Variants in NCOR2 observed in about 807,000 individuals in gnomAD.
The protein encoded by NCOR2 is nuclear receptor corepressor 2.
In NCOR2, 81 loss-of-function variants were observed where a neutral mutation model predicts 262.9. That is an observed-to-expected ratio of 0.31 (90% CI 0.26 to 0.37). The LOEUF is 0.37. Ranked by LOEUF, NCOR2 falls within the 10% of genes least tolerant of loss-of-function variation. The pLI is 1.00. For missense variants in NCOR2, 3,385 were observed against 3,621.4 expected (o/e 0.93, Z 1.68); for synonymous variants, 1,659 against 1,559.3 (o/e 1.06, Z -1.51).
At chr12:124,393,793 T>G (rs1411374184) in intron 16 of NCOR2, among the ~76,000 whole-genome samples, 1 of 152,264 alleles carries the variant, frequency 6.6e-6, no homozygotes, top group African/African-American at 2.4e-5. Context: ...TAACAGCACC[T>G]GCCTCCTAGT....
At chr12:124,556,194 G>A (rs2051877922) in intron 1 of NCOR2, 1 of 152,456 alleles carries the variant, frequency 6.6e-6, no homozygotes, top group Non-Finnish European at 1.5e-5. Context: ...GAGGGACAGA[G>A]AGGGAATGGC....
chr12:124,423,808 A>C (rs2043367178), intron 11 of NCOR2, among the ~76,000 whole-genome samples: 1 of 152,158 alleles, frequency 6.6e-6, no homozygotes. Context: ...GTTTATTAGA[A>C]GTTTCCTATG....
intron 19 of NCOR2, 61 bp downstream of exon 21, chr12:124,374,352 G>A: frequency 6.5e-7 from 1 of 1,547,512 alleles, no homozygotes; most frequent in Middle Eastern, 1.9e-4. Context: ...GAGGACCGGG[G>A]ACCTTGGGAT....
rs201853086 is a variant in NCOR2, at chr12:124,334,456, G to C, written c.6573C>G (p.Ala2191=). Residue 2191 remains alanine (A), a synonymous_variant, in exon 41 of 47, where the codon GCC becomes GCG. Transcript: ENST00000405201. The stretch of plus-strand genomic sequence containing the variant: ...CCCCTTCGCTGTGGGGGGAGCCACG[G>C]GCCGGGGCACCATGGTCCGGGGGCG... 1.6e-3 allele frequency: 2,420 copies of C among 1,498,646 alleles called. 3 individuals are homozygous for C. The highest frequency in any genetic ancestry group is 1.9e-3 in the Non-Finnish European group (2,175 of 1,126,786). The allele number at this position is 1,498,646 out of a possible 1,614,324, so 92.8% of individuals were successfully genotyped here.
At chr12:124,353,779 G>A (rs1309098835) in intron 27 of NCOR2, among the ~76,000 whole-genome samples, 3 of 152,212 alleles carry the variant, frequency 2.0e-5, no homozygotes, top group Non-Finnish European at 4.4e-5. Context: ...AGCAATGTCC[G>A]TGGCCAGGCA....
At chr12:124,399,714 G>T (rs539805341) in intron 15 of NCOR2, among the ~76,000 whole-genome samples, 5 of 152,334 alleles carry the variant, frequency 3.3e-5, no homozygotes, top group Admixed American at 6.5e-5. Context: ...ATGAGCCCTG[G>T]CAGGCGGGGC....
Position 124,377,849 on chromosome 12 carries a change from A to C in NCOR2, c.2167+388T>G, listed in dbSNP as rs560772416. Among the ~76,000 whole-genome samples the C allele has an allele frequency of 5.8e-3, 886 of 151,960 alleles. 34 individuals are homozygous for C. The highest frequency in any genetic ancestry group is 1.3e-3 in the Non-Finnish European group (89 of 67,976). On this transcript the variant is annotated intron_variant, in intron 18 of 46. Transcript: ENST00000405201. ...GCAAGACTCCGTCTGAAAAAAAAAA[A>C]AACAAAAAAAAACTTTTCCAAAGTA...
intron 41 of NCOR2, 174 bp downstream of exon 43, chr12:124,334,250 C>G (rs976726307): frequency 1.9e-6 from 1 of 528,068 alleles, no homozygotes; most frequent in Non-Finnish European, 3.3e-6. Context: ...AGCTATTATT[C>G]GTTATGTATC....
chr12:124,529,274 C>T (rs2050660594), intron 1 of NCOR2, among the ~76,000 whole-genome samples: 1 of 149,508 alleles, frequency 6.7e-6, no homozygotes, highest in South Asian at 2.1e-4. Flanking sequence ...CAAGAACAGC[C>T]TGGCCAACAT....
At chr12:124,327,473 G>A (rs1376868688) in exon 45 of NCOR2, 3 of 1,613,334 alleles carry the variant, frequency 1.9e-6, no homozygotes, top group African/African-American at 1.3e-5. Flanking sequence ...CAGCGGGCAG[G>A]CTGGCACTGG....
Position 124,332,478 on chromosome 12 carries a change from C to G in NCOR2, c.6756-11G>C. The G allele has an allele frequency of 1.2e-6, 2 of 1,614,102 alleles. No homozygotes were observed. The highest frequency in any genetic ancestry group is 1.7e-6 in the Non-Finnish European group (2 of 1,179,996). The stretch of plus-strand genomic sequence containing the variant: ...TTGGAGCCCATCCTGCTGTGAGGAT[C>G]AAACACCTCACATCAGCTCACTTGG... On this transcript the variant is annotated splice_polypyrimidine_tract_variant and intron_variant, in intron 42 of 46. Transcript: ENST00000405201.
intron 13 of NCOR2, among the ~76,000 whole-genome samples, chr12:124,418,410 C>G (rs1255574145): frequency 6.6e-6 from 1 of 152,186 alleles, no homozygotes; most frequent in Non-Finnish European, 1.5e-5. Context: ...GGACCCCGCC[C>G]CCAACCCGTG....
chr12:124,403,569 C>G (rs2042100319), intron 13 of NCOR2, among the ~76,000 whole-genome samples: 1 of 152,230 alleles, frequency 6.6e-6, no homozygotes. Context: ...ACCAGACCAT[C>G]TTTCCATCCC....
rs541250388 is a variant in NCOR2, at chr12:124,540,988, G to A, written c.-164-5377C>T. ...GTAGAGAGCTGGAGGGGGATCTGGG[G>A]TGAAGAGCTAGAGGAAGATGGGGAA... On this transcript the variant is annotated intron_variant, in intron 1 of 32. Coordinates refer to the NCOR2 transcript ENST00000458234. Among the ~76,000 whole-genome samples, 5 of 5,232 alleles carry A rather than the reference G, an allele frequency of 9.6e-4. 1 individual carries two copies. The highest frequency in any genetic ancestry group is 6.2e-3 in the African/African-American group (5 of 804). 3.4% of individuals were successfully genotyped at this position (5,232 alleles called of 152,430 possible).
intron 3 of NCOR2, 139 bp from the exon 6 acceptor site, chr12:124,473,270 T>C (rs2046920605): frequency 2.8e-6 from 3 of 1,054,294 alleles, no homozygotes; most frequent in Non-Finnish European, 4.1e-6. Flanking sequence ...TGTGAGGGTG[T>C]TGCCAAAGGA....
At chr12:124,437,023 C>T (rs1294459322) in intron 8 of NCOR2, among the ~76,000 whole-genome samples, 1 of 152,014 alleles carries the variant, frequency 6.6e-6, no homozygotes, top group African/African-American at 2.4e-5. Context: ...GAGGCGGAGG[C>T]TGCAGTGAGT....
intron 5 of NCOR2, among the ~76,000 whole-genome samples, chr12:124,458,330 G>A (rs943720200): frequency 1.3e-5 from 2 of 152,188 alleles, no homozygotes; most frequent in African/African-American, 2.4e-5. Context: ...AGAGGAGGGC[G>A]TGGCAGGCCA....
chr12:124,495,860 C>A (rs929914533), upstream of NCOR2, among the ~76,000 whole-genome samples: 13 of 152,190 alleles, frequency 8.5e-5, no homozygotes, highest in Admixed American at 7.9e-4. This position sits in a 1 kb window ranked among gnomAD's most constrained non-coding sequence, Gnocchi z 4.4. Context: ...CACAGCATGA[C>A]CTGGGCAAGG....
rs912069415 is a variant in NCOR2 at position 124,454,903 on chromosome 12, C to A, written c.762+2203G>T. On this transcript the variant is annotated intron_variant, in intron 6 of 46. Transcript: ENST00000405201. The surrounding 1 kb of genome is among the most constrained non-coding windows in gnomAD (Gnocchi z 5.6). The stretch of plus-strand genomic sequence containing the variant: ...TACCCCAAATATGCAAACAATCTCA[C>A]GTCCACCGACTGATGAGTGGGTAAA... Among the ~76,000 whole-genome samples the A allele has an allele frequency of 6.6e-6, 1 of 152,164 alleles. No homozygotes were observed. The highest frequency in any genetic ancestry group is 2.4e-5 in the African/African-American group (1 of 41,430).
Sources: gnomAD v4.1 joint callset for allele counts (sites outside exome capture counted in the v4.1 genomes callset) on GRCh38, gnomAD v4.1.1 for gene constraint, Gnocchi (gnomAD v3.1) non-coding constraint, MANE v1.5 for transcripts, NCBI Gene and HGNC (gene_info 2026-07-23, HGNC 2026-07-21) for gene names.